Variants in PCDHGA7 observed in about 807,000 individuals in gnomAD.
PCDHGA7 encodes the protein protocadherin gamma-A7.
A neutral mutation model predicts 58.3 loss-of-function variants in PCDHGA7; 44 were observed. The ratio of observed to expected loss-of-function variants is 0.75; its 90% CI spans 0.59 to 0.97. The LOEUF is 0.97. Ranked by LOEUF, PCDHGA7 falls within the 50% of genes least tolerant of loss-of-function variation. The pLI is 0.00. For synonymous variants in PCDHGA7, 516 were observed against 504.2 expected (o/e 1.02, Z -0.31); for missense variants, 1,266 against 1,188.7 (o/e 1.06, Z -0.96).
chr5:141,489,571 G>A lies in PCDHGA7; in HGVS notation c.2425-5236G>A, dbSNP rs1206848223. The A allele has an allele frequency of 1.9e-6, 3 of 1,613,884 alleles. No individual in the cohort carries two copies. The highest frequency in any genetic ancestry group is 2.2e-5 in the South Asian group (2 of 91,070). On this transcript the variant is annotated intron_variant, in intron 1 of 3. Transcript: ENST00000518325. The surrounding 1 kb of genome is among the most constrained non-coding windows in gnomAD (Gnocchi z 4.5). ...CCTGCTGCCAGTGCAGGTGGTGACT[G>A]AACACCCCCTGGAGCTAATCCGTGT...
chr5:141,402,807 T>G, intron 1 of PCDHGA7: 2 of 1,165,464 alleles, frequency 1.7e-6, no homozygotes, highest in Non-Finnish European at 2.3e-6. Flanking sequence ...ACCCGGCAGA[T>G]ACCACAAACC....
At position 141,384,386 on chromosome 5, in the gene PCDHGA7, T is replaced by C; in HGVS notation, c.1487T>C (p.Ile496Thr). ...ACTTATTCCTTGGCCGAAGACACCA[T>C]CCAGGGGGCTCCAGTGTCCTCCTAT... is the stretch of plus-strand genomic sequence containing the variant. Reference protein sequence around the residue: ...QITYSLAEDTIQGAPVSSYVS... With the variant: ...QITYSLAEDTTQGAPVSSYVS... Residue 496 changes from isoleucine to threonine, a missense_variant, in exon 1 of 4, where the codon ATC (isoleucine) becomes ACC (threonine). Transcript: ENST00000518325. The C allele has an allele frequency of 6.2e-7, 1 of 1,613,954 alleles. No individual in the cohort carries two copies. Among genetic ancestry groups the C allele is most frequent in the Non-Finnish European group, 8.5e-7 (1 of 1,179,908 alleles).
At chr5:141,478,617 G>T in intron 1 of PCDHGA7, 1 of 1,556,398 alleles carries the variant, frequency 6.4e-7, no homozygotes, top group South Asian at 1.2e-5. Context: ...AGGAAGGAAT[G>T]GAGCTGTTTT....
At chr5:141,448,850 C>A (rs1227646790) in intron 1 of PCDHGA7, among the ~76,000 whole-genome samples, 1 of 152,048 alleles carries the variant, frequency 6.6e-6, no homozygotes, top group Non-Finnish European at 1.5e-5. Context: ...GAGGCTGAGG[C>A]AGGAGAATGG....
chr5:141,497,122 G>A (rs1407489807), intron 2 of PCDHGA7, among the ~76,000 whole-genome samples: 1 of 151,992 alleles, frequency 6.6e-6, no homozygotes, highest in East Asian at 1.9e-4. Flanking sequence ...GAAGGCAGAG[G>A]TTGCAGTGAG....
In PCDHGA7 at chr5:141,510,834, G is replaced by A. The variant is rs1043468083; in HGVS notation, c.2573-113G>A. 49 of 1,581,762 alleles carry A rather than the reference G, an allele frequency of 3.1e-5. 1 individual carries two copies. The highest frequency in any genetic ancestry group is 4.0e-5 in the Non-Finnish European group (46 of 1,161,670). On this transcript the variant is annotated intron_variant, in intron 3 of 3. Coordinates refer to ENST00000518325, the MANE Select transcript of PCDHGA7 (RefSeq NM_018920.4). ...GACCCCTATATTCCCAGTGCTCAGC[G>A]TGGTCAAGGCCCAGGGTGCTGTATA...
In PCDHGA7 at chr5:141,489,663, C is replaced by T. The variant is rs1183544696; in HGVS notation, c.2425-5144C>T. The T allele has an allele frequency of 1.9e-6, 3 of 1,614,048 alleles. No individual in the cohort carries two copies. The highest frequency in any genetic ancestry group is 2.2e-5 in the South Asian group (2 of 91,094). ...TTGCCACCCCTGAGCGAGAGATGCGCATCTCAGAATCAGCAGCATCTGGGG... is the reference window on the plus strand; with the variant it reads ...TTGCCACCCCTGAGCGAGAGATGCGTATCTCAGAATCAGCAGCATCTGGGG... On this transcript the variant is annotated intron_variant, in intron 1 of 3. Coordinates refer to ENST00000518325, the MANE Select transcript of PCDHGA7 (RefSeq NM_018920.4). This position sits in a 1 kb window ranked among gnomAD's most constrained non-coding sequence, Gnocchi z 4.5.
Position 141,489,592 on chromosome 5 carries a change from C to T in PCDHGA7, c.2425-5215C>T, listed in dbSNP as rs747085985. 1.3e-5 allele frequency: 21 copies of T among 1,613,928 alleles called. No individual in the cohort carries two copies. The East Asian group carries it at 1.6e-4, about 12-fold the overall frequency. ...GACTGAACACCCCCTGGAGCTAATC[C>T]GTGTAGAGGTAGAGATCCTGGATCT... is the stretch of plus-strand genomic sequence containing the variant. On this transcript the variant is annotated intron_variant, in intron 1 of 3. Transcript: ENST00000518325. This position sits in a 1 kb window ranked among gnomAD's most constrained non-coding sequence, Gnocchi z 4.5.
chr5:141,467,476 G>C (rs114088806), intron 1 of PCDHGA7, among the ~76,000 whole-genome samples: 1,866 of 152,156 alleles, frequency 0.012, 41 homozygotes, highest in African/African-American at 0.043. Flanking sequence ...CATGGTTTTT[G>C]GTTTCCACAT....
At chr5:141,500,509 G>A (rs1048476645) in intron 2 of PCDHGA7, among the ~76,000 whole-genome samples, 19 of 152,100 alleles carry the variant, frequency 1.2e-4, no homozygotes, top group South Asian at 4.2e-4. Context: ...GCGCCTGGCC[G>A]AGCTTCATTT....
chr5:141,487,802 C>G lies in PCDHGA7; in HGVS notation c.2425-7005C>G. On this transcript the variant is annotated intron_variant, in intron 1 of 3. Transcript: ENST00000518325. The surrounding 1 kb of genome is among the most constrained non-coding windows in gnomAD (Gnocchi z 5.0). ...TTTCGTGAATTAACCAGAGTTGTCACAGTTTAGCATTGGGGGCGGGTCATG... is the reference window on the plus strand; with the variant it reads ...TTTCGTGAATTAACCAGAGTTGTCAGAGTTTAGCATTGGGGGCGGGTCATG... 6.8e-7 allele frequency: 1 copy of G among 1,477,424 alleles called. No homozygotes were observed. The allele number at this position is 1,477,424 out of a possible 1,614,324, so 91.5% of individuals were successfully genotyped here.
intron 1 of PCDHGA7, chr5:141,415,857 T>G (rs1271614762): frequency 1.7e-6 from 2 of 1,194,900 alleles, no homozygotes; most frequent in Non-Finnish European, 2.2e-6. Flanking sequence ...AACCTTGTAG[T>G]TTATAGTGTT....
Position 141,489,527 on chromosome 5 carries a change from G to A in PCDHGA7, c.2425-5280G>A. On this transcript the variant is annotated intron_variant, in intron 1 of 3. Coordinates refer to ENST00000518325, the MANE Select transcript of PCDHGA7 (RefSeq NM_018920.4). The surrounding 1 kb of genome is among the most constrained non-coding windows in gnomAD (Gnocchi z 4.5). The stretch of plus-strand genomic sequence containing the variant: ...CAAAAGATTGACCGAGAAAGCCTAT[G>A]TGGAGCCAGCACCAGCTGCCTGCTG... The A allele has an allele frequency of 1.9e-6, 3 of 1,614,152 alleles. No individual in the cohort carries two copies. Among genetic ancestry groups the A allele is most frequent in the East Asian group, 2.2e-5 (1 of 44,874 alleles).
At chr5:141,423,508 A>G (rs962526072) in intron 1 of PCDHGA7, 2 of 1,613,860 alleles carry the variant, frequency 1.2e-6, no homozygotes, top group African/African-American at 2.7e-5. Context: ...GGTCTCTCTC[A>G]TTGCGGACTC....
At position 141,485,359 on chromosome 5, in the gene PCDHGA7, C is replaced by G. The variant is rs1233826208; in HGVS notation, c.2425-9448C>G. 6.2e-7 allele frequency: 1 copy of G among 1,614,026 alleles called. No individual in the cohort carries two copies. The highest frequency in any genetic ancestry group is 8.5e-7 in the Non-Finnish European group (1 of 1,180,018). On this transcript the variant is annotated intron_variant, in intron 1 of 3. Transcript: ENST00000518325. This position sits in a 1 kb window ranked among gnomAD's most constrained non-coding sequence, Gnocchi z 5.7. ...TGGATACGGACAGTCTGTCAGCTCG[C>G]AGGCTGCAGGTCGCTGGAGAGGTGA...
At chr5:141,507,852 T>C (rs556569001) in intron 3 of PCDHGA7, among the ~76,000 whole-genome samples, 25 of 152,118 alleles carry the variant, frequency 1.6e-4, no homozygotes, top group Non-Finnish European at 2.6e-4. Context: ...CTGCTCTCAC[T>C]TTCACACCCG....
At chr5:141,395,506 G>A in intron 1 of PCDHGA7, 1 of 433,794 alleles carries the variant, frequency 2.3e-6, no homozygotes, top group East Asian at 4.4e-5. Flanking sequence ...CACTTAAGAA[G>A]TAGCTACCCG....
chr5:141,409,591 G>A (rs72790040), intron 1 of PCDHGA7: 42,493 of 1,613,766 alleles, frequency 0.026, 744 homozygotes, highest in East Asian at 0.041. Context: ...ACGTGGCCGA[G>A]AACAACCCGC....
At position 141,419,527 on chromosome 5, in the gene PCDHGA7, C is replaced by G. The variant is rs755936657; in HGVS notation, c.2424+34204C>G. ...TGCGCGTGTTGGTGGGCGACCGTAA[C>G]GACAACGCACCGCGGGTGCTGTACC... is the stretch of plus-strand genomic sequence containing the variant. On this transcript the variant is annotated intron_variant, in intron 1 of 3. Transcript: ENST00000518325. The G allele has an allele frequency of 6.8e-5, 110 of 1,612,064 alleles. 2 individuals carry two copies. In the South Asian group the frequency reaches 9.6e-4, roughly 14 times the overall value.
Sources: gnomAD v4.1 joint callset for allele counts (sites outside exome capture counted in the v4.1 genomes callset) on GRCh38, gnomAD v4.1.1 for gene constraint, Gnocchi (gnomAD v3.1) non-coding constraint, MANE v1.5 for transcripts, NCBI Gene and HGNC (gene_info 2026-07-23, HGNC 2026-07-21) for gene names.